SLC36A1: variants seen among roughly 807,000 people sequenced by gnomAD.
The protein encoded by SLC36A1 is proton-coupled amino acid transporter 1.
SLC36A1 carries 30 observed loss-of-function variants against 47.5 expected under a neutral mutation model. The ratio of observed to expected loss-of-function variants is 0.63; its 90% CI spans 0.47 to 0.86. The LOEUF is 0.86. Among genes scored for constraint, SLC36A1 ranks in the 40% least tolerant of loss-of-function variants. SLC36A1 has a pLI of 0.00. For synonymous variants in SLC36A1, 255 were observed against 249.7 expected (o/e 1.02, Z -0.20); for missense variants, 517 against 606.0 (o/e 0.85, Z 1.54).
intron 10 of SLC36A1, among the ~76,000 whole-genome samples, chr5:151,480,749 A>T (rs373127457): frequency 5.9e-5 from 9 of 152,168 alleles, no homozygotes; most frequent in African/African-American, 2.2e-4. Context: ...TCCACCGTGG[A>T]TGGAGTAGCT....
the SLC36A1 span, among the ~76,000 whole-genome samples, chr5:151,394,791 G>T: frequency 2.0e-5 from 3 of 152,218 alleles, no homozygotes; most frequent in African/African-American, 7.2e-5. Context: ...ACCCAGGCGT[G>T]TGAAGTGTCA....
rs1554114841 is a variant in SLC36A1 at position 151,474,178 on chromosome 5, A to AAGAG, written c.822+410_822+411insGAGA. On this transcript the variant is annotated intron_variant, in intron 8 of 10. Coordinates refer to ENST00000243389, the MANE Select transcript of SLC36A1 (RefSeq NM_078483.4). Reference sequence around the variant, plus strand: ...CTGTCTCAAAAAAAAAAAAAAAAAAAAGAAATTATCTTCTGTAACTCACTG... The same window carrying AAGAG: ...CTGTCTCAAAAAAAAAAAAAAAAAAAAGAGAGAAATTATCTTCTGTAACTCACTG... Among the ~76,000 whole-genome samples, 16 of 119,018 alleles carry AAGAG rather than the reference A, an allele frequency of 1.3e-4. 1 individual carries two copies. Among genetic ancestry groups the AAGAG allele is most frequent in the Middle Eastern group, 8.1e-3 (2 of 246 alleles). The allele number at this position is 119,018 out of a possible 152,430, so 78.1% of individuals were successfully genotyped here.
rs767000584 is a variant in SLC36A1, at chr5:151,476,964, T to A, written c.989+208T>A. On this transcript the variant is annotated intron_variant, in intron 9 of 10. Transcript: ENST00000243389. ...TAGAGCCTTCTGCTGAAGCCATTGG[T>A]GCTGATCAGCCGATGGGTAAGCCAT... 2.0e-5 allele frequency: 14 copies of A among 707,120 alleles called. No individual in the cohort carries two copies. The African/African-American group carries it at 2.3e-4, about 11-fold the overall frequency. The allele number at this position is 707,120 out of a possible 1,614,324, so 43.8% of individuals were successfully genotyped here.
intron 1 of SLC36A1, among the ~76,000 whole-genome samples, chr5:151,439,911 A>G (rs1752522858): frequency 6.6e-6 from 1 of 152,134 alleles, no homozygotes; most frequent in South Asian, 2.1e-4. Context: ...ATTTTTTCTA[A>G]TTTCCACTCC....
At chr5:151,547,726 C>T in the SLC36A1 span, among the ~76,000 whole-genome samples, 2 of 151,850 alleles carry the variant, frequency 1.3e-5, no homozygotes, top group Non-Finnish European at 2.9e-5. Context: ...CATGTGATTC[C>T]GATTATAATT....
chr5:151,430,397 G>A, the SLC36A1 span, among the ~76,000 whole-genome samples: 1 of 143,294 alleles, frequency 7.0e-6, no homozygotes, highest in Non-Finnish European at 1.5e-5. Context: ...GACCTCGGCT[G>A]ACTGCAACCT....
At chr5:151,466,994 A>G (rs2127493741) in intron 5 of SLC36A1, among the ~76,000 whole-genome samples, 1 of 152,334 alleles carries the variant, frequency 6.6e-6, no homozygotes, top group South Asian at 2.1e-4. Flanking sequence ...TGTTAAAAAA[A>G]CACTTAATGG....
chr5:151,525,834 A>T, the SLC36A1 span: 72 of 1,613,974 alleles, frequency 4.5e-5, no homozygotes, highest in Admixed American at 6.7e-5. Flanking sequence ...CCAGCCATCC[A>T]TCCGGGGTCA....
the SLC36A1 span, among the ~76,000 whole-genome samples, chr5:151,498,360 C>T: frequency 3.3e-5 from 5 of 152,166 alleles, no homozygotes; most frequent in African/African-American, 4.8e-5. Context: ...TCTAACATCT[C>T]CTGAACATTC....
the SLC36A1 span, among the ~76,000 whole-genome samples, chr5:151,508,401 C>T: frequency 6.6e-6 from 1 of 152,188 alleles, no homozygotes; most frequent in African/African-American, 2.4e-5. Flanking sequence ...CAGGACACAC[C>T]AGTTGCTGAG....
At chr5:151,537,277 TGGAGGA>T in the SLC36A1 span, among the ~76,000 whole-genome samples, 5 of 132,874 alleles carry the variant, frequency 3.8e-5, no homozygotes, top group African/African-American at 8.8e-5. Context: ...ATGGTGGTGG[TGGAGGA>T]GGAGGAGGAG....
chr5:151,510,563 A>G, the SLC36A1 span: 1,896 of 160,892 alleles, frequency 0.012, 41 homozygotes, highest in African/African-American at 0.042. Flanking sequence ...ATGGCAGATG[A>G]GGAAAGGAGG....
intron 1 of SLC36A1, chr5:151,450,978 A>G (rs1005795420): frequency 6.6e-6 from 1 of 152,206 alleles, no homozygotes; most frequent in African/African-American, 2.4e-5. Context: ...ACTTCCACCC[A>G]GGCCTTGGAA....
At chr5:151,349,096 T>C in the SLC36A1 span, among the ~76,000 whole-genome samples, 7 of 152,182 alleles carry the variant, frequency 4.6e-5, no homozygotes, top group African/African-American at 1.7e-4. Context: ...CAATTTAAAT[T>C]TGTAATCTCA....
chr5:151,545,905 T>C, the SLC36A1 span: 11 of 1,614,042 alleles, frequency 6.8e-6, no homozygotes, highest in Non-Finnish European at 7.6e-6. Context: ...CACCATGACA[T>C]CAGTAAATGC....
chr5:151,520,616 G>A, the SLC36A1 span, among the ~76,000 whole-genome samples: 2 of 152,178 alleles, frequency 1.3e-5, no homozygotes, highest in South Asian at 2.1e-4. Flanking sequence ...TAACTCTTAC[G>A]TAATTTCCCC....
chr5:151,455,312 C>T (rs1356907227), intron 1 of SLC36A1, among the ~76,000 whole-genome samples: 1 of 151,888 alleles, frequency 6.6e-6, no homozygotes, highest in Non-Finnish European at 1.5e-5. Context: ...TTCTGTTGAG[C>T]TTATCATCAA....
the SLC36A1 span, among the ~76,000 whole-genome samples, chr5:151,385,897 A>T: frequency 7.0e-6 from 1 of 142,740 alleles, no homozygotes; most frequent in African/African-American, 2.6e-5. Context: ...TTTGAGACAG[A>T]GTCTTGCACT....
At chr5:151,543,664 G>A in the SLC36A1 span, 875 of 1,614,128 alleles carry the variant, frequency 5.4e-4, 3 homozygotes, top group Non-Finnish European at 7.0e-4. Flanking sequence ...TGCTAATTCT[G>A]CCTCATAAAG....
Sources: gnomAD v4.1 joint callset for allele counts (sites outside exome capture counted in the v4.1 genomes callset) on GRCh38, gnomAD v4.1.1 for gene constraint, MANE v1.5 for transcripts, NCBI Gene and HGNC (gene_info 2026-07-23, HGNC 2026-07-21) for gene names.